Variants in CD302 observed in about 807,000 individuals in gnomAD.
The protein encoded by CD302 is CD302 molecule, also known as CD302 antigen.
Under a neutral mutation model 26.5 loss-of-function variants are expected in CD302, and 23 were observed. That is an observed-to-expected ratio of 0.87 (90% CI 0.62 to 1.23). The LOEUF (loss-of-function observed/expected upper bound fraction) is 1.23. Ranked by LOEUF, CD302 falls within the 50% of genes most tolerant of loss-of-function variation. The pLI is 0.00. For missense variants in CD302, 290 were observed against 275.5 expected, an observed-to-expected ratio of 1.05 and a Z score of -0.37; for synonymous variants, 90 against 99.4, an observed-to-expected ratio of 0.91 and a Z score of 0.56.
intron 5 of CD302, among the ~76,000 whole-genome samples, chr2:159,774,106 GAA>G (rs1205717999): frequency 6.6e-6 from 1 of 151,020 alleles, no homozygotes; most frequent in Non-Finnish European, 1.5e-5. Context: ...GTCCAGCCTT[GAA>G]GTTATCTCCT....
Position 159,772,743 on chromosome 2 carries a change from G to C in CD302, c.497-690C>G, listed in dbSNP as rs377084865. Among the ~76,000 whole-genome samples, 3 of 152,220 alleles carry C rather than the reference G, an allele frequency of 2.0e-5. No individual in the cohort carries two copies. In the South Asian group the frequency reaches 6.2e-4, roughly 32 times the overall value. On this transcript the variant is annotated intron_variant, in intron 5 of 5. Coordinates refer to ENST00000259053, the MANE Select transcript of CD302 (RefSeq NM_014880.5). ...TGTGAAAACTTTTCAGAATTATTTT[G>C]ACAGATTTTTTATTATTAAATATAT...
intron 5 of CD302, among the ~76,000 whole-genome samples, chr2:159,774,647 C>T (rs1370247595): frequency 1.3e-5 from 2 of 152,144 alleles, no homozygotes; most frequent in African/African-American, 2.4e-5. Flanking sequence ...CTGTCTCCTG[C>T]CTGATGTCTA....
At chr2:159,791,051 G>A (rs1164390231) in intron 1 of CD302, among the ~76,000 whole-genome samples, 1 of 152,066 alleles carries the variant, frequency 6.6e-6, no homozygotes, top group Non-Finnish European at 1.5e-5. Context: ...CACTGATTAA[G>A]GTATATTCTT....
In CD302 at chr2:159,798,168, G is replaced by A. The variant is rs1405127832; in HGVS notation, c.31C>T (p.Leu11=). MLRAALPALL[L]PLLGLAAAAV... ...GCAGCGGCGAGGCCCAGCAACGGCA[G>A]CAGGAGCGCGGGCAGCGCGGCCCGG... Residue 11 remains leucine, a synonymous_variant, in exon 1 of 6, where the codon CTG becomes TTG. Coordinates refer to ENST00000259053, the MANE Select transcript of CD302 (RefSeq NM_014880.5). 2 of 1,482,056 alleles carry A rather than the reference G, an allele frequency of 1.3e-6. No homozygotes were observed. Among genetic ancestry groups the A allele is most frequent in the Non-Finnish European group, 1.8e-6 (2 of 1,122,176 alleles). The allele number at this position is 1,482,056 out of a possible 1,614,324, so 91.8% of individuals were successfully genotyped here.
intron 5 of CD302, among the ~76,000 whole-genome samples, chr2:159,776,442 T>C (rs1246717823): frequency 1.3e-5 from 2 of 150,796 alleles, no homozygotes; most frequent in Non-Finnish European, 3.0e-5. Flanking sequence ...GATCATACGG[T>C]AATTCTTTTA....
chr2:159,798,181 C>A lies in CD302; in HGVS notation c.18G>T (p.Leu6=). The A allele has an allele frequency of 6.8e-7, 1 of 1,477,372 alleles. No homozygotes were observed. Among genetic ancestry groups the A allele is most frequent in the African/African-American group, 1.5e-5 (1 of 68,328 alleles). 91.5% of individuals were successfully genotyped at this position (1,477,372 alleles called of 1,614,324 possible). The change falls in exon 1 of 6, where the codon CTG becomes CTT. Residue 6 remains leucine (L), a synonymous_variant. Coordinates refer to ENST00000259053, the MANE Select transcript of CD302 (RefSeq NM_014880.5). ...CCAGCAACGGCAGCAGGAGCGCGGG[C>A]AGCGCGGCCCGGAGCATGACGGCGG... MLRAA[L]PALLLPLLGL...
chr2:159,798,179 G>A lies in CD302; in HGVS notation c.20C>T (p.Pro7Leu), dbSNP rs552282127. 2.0e-6 allele frequency: 3 copies of A among 1,479,890 alleles called. No homozygotes were observed. The South Asian group carries it at 3.8e-5, about 19-fold the overall frequency. The allele number at this position is 1,479,890 out of a possible 1,614,324, so 91.7% of individuals were successfully genotyped here. A position where few individuals can be genotyped will look rare whatever the true frequency, so the allele number is the denominator to read the frequency against. ...GCCCAGCAACGGCAGCAGGAGCGCG[G>A]GCAGCGCGGCCCGGAGCATGACGGC... MLRAAL[P>L]ALLLPLLGLA... Residue 7 changes from proline (P) to leucine (L), a missense_variant, in exon 1 of 6, where the codon CCC (proline) becomes CTC (leucine). Transcript: ENST00000259053.
intron 4 of CD302, among the ~76,000 whole-genome samples, chr2:159,779,194 G>GCACCA (rs1223375893): frequency 8.7e-6 from 1 of 114,594 alleles, no homozygotes; most frequent in Non-Finnish European, 1.6e-5. Flanking sequence ...TCGCGCCACC[G>GCACCA]CACTCCAGCC....
chr2:159,798,066 C>T (rs1221892461), intron 1 of CD302, 66 bp downstream of exon 1: 4 of 1,416,376 alleles, frequency 2.8e-6, no homozygotes, highest in South Asian at 1.3e-5. Flanking sequence ...GGACGAAGAG[C>T]GTGCGTTGGG....
chr2:159,778,379 G>A lies in CD302; in HGVS notation c.470-415C>T, dbSNP rs202231506. On this transcript the variant is annotated intron_variant, in intron 4 of 5. Transcript: ENST00000259053. ...AAGTTATAGTTTAATTAAAAACTTT[G>A]TTTATGTAATGGCACCCTGAGGTGC... Among the ~76,000 whole-genome samples the A allele has an allele frequency of 3.4e-3, 516 of 152,278 alleles. 2 individuals carry two copies. The highest frequency in any genetic ancestry group is 6.5e-3 in the Non-Finnish European group (440 of 68,020).
chr2:159,783,458 A>G lies in CD302; in HGVS notation c.79T>C (p.Ser27Pro). 1 of 1,603,564 alleles carries G rather than the reference A, an allele frequency of 6.2e-7. No individual in the cohort carries two copies. Among genetic ancestry groups the G allele is most frequent in the Non-Finnish European group, 8.5e-7 (1 of 1,177,164 alleles). ...AAAAVADCPS[S>P]TWIQFQDSCY... ...CTGTCTTGGAACTGAATCCAAGTAG[A>G]TGAAGGACAGTCTATGTAGAAAAAA... is the stretch of plus-strand genomic sequence containing the variant. The change falls in exon 2 of 6, where the codon TCT (serine) becomes CCT (proline). Residue 27 changes from serine (S) to proline (P), a missense_variant. Ser to Pro is a moderately conservative substitution (Grantham distance 74). Transcript: ENST00000259053.
intron 5 of CD302, among the ~76,000 whole-genome samples, 173 bp downstream of exon 5, chr2:159,777,765 A>G (rs1708380764): frequency 6.6e-6 from 1 of 152,228 alleles, no homozygotes; most frequent in African/African-American, 2.4e-5. Context: ...ATATTGTAGA[A>G]TATATTTAAA....
At chr2:159,786,332 CTTTTTTTTTT>C (rs56163054) in intron 1 of CD302, among the ~76,000 whole-genome samples, 4 of 112,682 alleles carry the variant, frequency 3.5e-5, no homozygotes, top group Admixed American at 9.3e-5. Context: ...TTGTCTTTTT[CTTTTTTTTTT>C]TTTTTTTTTG....
intron 5 of CD302, among the ~76,000 whole-genome samples, chr2:159,777,521 T>G (rs1708371095): frequency 6.6e-6 from 1 of 152,174 alleles, no homozygotes; most frequent in East Asian, 1.9e-4. Context: ...TAGAATATAC[T>G]CAAAGAAAAT....
At chr2:159,775,731 C>CA (rs1708294729) in intron 5 of CD302, among the ~76,000 whole-genome samples, 1 of 152,156 alleles carries the variant, frequency 6.6e-6, no homozygotes, top group Admixed American at 6.5e-5. Flanking sequence ...ATTCACAGAA[C>CA]AACTCATTTT....
At chr2:159,797,975 G>A (rs1013240178) in intron 1 of CD302, among the ~76,000 whole-genome samples, 157 bp downstream of exon 1, 8 of 152,228 alleles carry the variant, frequency 5.3e-5, no homozygotes, top group Non-Finnish European at 1.0e-4. Flanking sequence ...CCGGAGCCAG[G>A]ACCCACGGGG....
intron 1 of CD302, among the ~76,000 whole-genome samples, chr2:159,790,686 A>T (rs541126044): frequency 2.0e-5 from 3 of 152,040 alleles, no homozygotes; most frequent in Non-Finnish European, 2.9e-5. Flanking sequence ...ATGGAATTTT[A>T]AAAAAGTGAA....
intron 2 of CD302, among the ~76,000 whole-genome samples, chr2:159,782,329 C>T (rs894416077): frequency 7.9e-5 from 11 of 139,706 alleles, no homozygotes; most frequent in African/African-American, 2.7e-4. Flanking sequence ...AGGAGAATGG[C>T]GTGAACCCGG....
intron 1 of CD302, among the ~76,000 whole-genome samples, chr2:159,787,436 A>G (rs1028848403): frequency 1.3e-5 from 2 of 151,548 alleles, no homozygotes; most frequent in African/African-American, 4.9e-5. Context: ...TAAACATTTT[A>G]TATTTGATCC....
Sources: gnomAD v4.1 joint callset for allele counts (sites outside exome capture counted in the v4.1 genomes callset) on GRCh38, gnomAD v4.1.1 for gene constraint, MANE v1.5 for transcripts, NCBI Gene and HGNC (gene_info 2026-07-23, HGNC 2026-07-21) for gene names.